CCNJL: variants seen among roughly 807,000 people sequenced by gnomAD.
CCNJL encodes cyclin-J-like protein.
A neutral mutation model predicts 33.4 loss-of-function variants in CCNJL; 33 were observed. That is an observed-to-expected ratio of 0.99 (90% CI 0.75 to 1.32). The LOEUF is 1.32. Among genes scored for constraint, CCNJL ranks in the 40% most tolerant of loss-of-function variants. The probability of loss-of-function intolerance (pLI) is 0.00; values close to 1 mark genes in which losing one functional copy is unlikely to be tolerated. For missense variants in CCNJL, 512 were observed against 499.7 expected (o/e 1.02, Z -0.23); for synonymous variants, 227 against 220.9 (o/e 1.03, Z -0.24).
At chr5:160,307,662 A>C (rs898639684) in intron 2 of CCNJL, among the ~76,000 whole-genome samples, 2 of 152,020 alleles carry the variant, frequency 1.3e-5, no homozygotes, top group African/African-American at 4.8e-5. Flanking sequence ...TGGTTCAGGG[A>C]AGAGGGTCAA....
rs1760867208 is a variant in CCNJL, at chr5:160,252,881, AC to A, written c.*496del. 1 of 153,478 alleles carries A rather than the reference AC, an allele frequency of 6.5e-6. No individual in the cohort carries two copies. Among genetic ancestry groups the A allele is most frequent in the African/African-American group, 2.4e-5 (1 of 41,504 alleles). 9.5% of individuals were successfully genotyped at this position (153,478 alleles called of 1,614,324 possible). On this transcript the variant is annotated 3_prime_UTR_variant, in exon 6 of 6. Coordinates refer to ENST00000257536, the MANE Select transcript of CCNJL (RefSeq NM_001308173.3). ...GCAAGGCAAACACTCAGGCATACAC[AC>A]CAACTCAGGCCCCTCTGCATAGAGC...
intron 3 of CCNJL, among the ~76,000 whole-genome samples, chr5:160,269,936 C>T (rs753981520): frequency 6.6e-6 from 1 of 152,258 alleles, no homozygotes; most frequent in African/African-American, 2.4e-5. Context: ...CTGATACTTG[C>T]GGAAAATACA....
At chr5:160,297,737 G>A (rs1762794635) in intron 2 of CCNJL, among the ~76,000 whole-genome samples, 1 of 151,828 alleles carries the variant, frequency 6.6e-6, no homozygotes, top group African/African-American at 2.4e-5. Flanking sequence ...TTGCAACTTG[G>A]TTGAAGAAAA....
chr5:160,329,944 C>G (rs1332847849), intron 1 of CCNJL, among the ~76,000 whole-genome samples: 1 of 152,212 alleles, frequency 6.6e-6, no homozygotes, highest in African/African-American at 2.4e-5. Context: ...CCACCACCCT[C>G]TCTTTGCTCC....
At chr5:160,299,927 T>C (rs1762872018) in intron 2 of CCNJL, among the ~76,000 whole-genome samples, 1 of 152,048 alleles carries the variant, frequency 6.6e-6, no homozygotes, top group South Asian at 2.1e-4. Flanking sequence ...CATATTTTCA[T>C]GCATGGACGG....
chr5:160,257,910 G>C (rs533159409), intron 4 of CCNJL, among the ~76,000 whole-genome samples: 1 of 150,804 alleles, frequency 6.6e-6, no homozygotes, highest in East Asian at 1.9e-4. Context: ...TCAATGGCAC[G>C]ATCTCGGCTC....
chr5:160,329,435 C>G (rs549285458), intron 1 of CCNJL, among the ~76,000 whole-genome samples: 1 of 151,336 alleles, frequency 6.6e-6, no homozygotes, highest in Non-Finnish European at 1.5e-5. Flanking sequence ...ACTGCAAGCT[C>G]CACCTCCCGG....
chr5:160,329,692 C>T (rs1476321372), intron 1 of CCNJL, among the ~76,000 whole-genome samples: 1 of 152,176 alleles, frequency 6.6e-6, no homozygotes, highest in Non-Finnish European at 1.5e-5. Context: ...AATGACCCAT[C>T]TGCTTTTTGA....
intron 3 of CCNJL, among the ~76,000 whole-genome samples, chr5:160,277,603 A>G (rs898498467): frequency 1.3e-5 from 2 of 152,160 alleles, no homozygotes; most frequent in Non-Finnish European, 2.9e-5. Flanking sequence ...CCACATGTCC[A>G]CTGTGGAATG....
Position 160,280,624 on chromosome 5 carries a change from G to C in CCNJL, c.181C>G (p.His61Asp), listed in dbSNP as rs770127604. 6.2e-7 allele frequency: 1 copy of C among 1,613,612 alleles called. No individual in the cohort carries two copies. The highest frequency in any genetic ancestry group is 8.5e-7 in the Non-Finnish European group (1 of 1,179,964). The change falls in exon 3 of 6, where the codon CAC becomes GAC. Residue 61 changes from histidine (H) to aspartate (D), a missense_variant. Coordinates refer to ENST00000257536, the MANE Select transcript of CCNJL (RefSeq NM_001308173.3). The stretch of plus-strand genomic sequence containing the variant: ...TGGTCCAGCAGGTAGACGGCCAGGT[G>C]CCGGGCTGCAGGGCAGAGCTGGCAG... ...SHCQLCPAAR[H>D]LAVYLLDHFM...
intron 1 of CCNJL, among the ~76,000 whole-genome samples, chr5:160,318,853 C>A (rs1763407270): frequency 7.5e-6 from 1 of 132,732 alleles, no homozygotes; most frequent in Non-Finnish European, 1.6e-5. Context: ...CTTATTTTTG[C>A]ATTTAAAACT....
intron 2 of CCNJL, among the ~76,000 whole-genome samples, chr5:160,288,203 G>A (rs1252126408): frequency 6.6e-6 from 1 of 150,470 alleles, no homozygotes; most frequent in Non-Finnish European, 1.5e-5. Context: ...ACGGAGGAGA[G>A]GTCGGGATGG....
chr5:160,267,914 A>C (rs1295640635), intron 3 of CCNJL, among the ~76,000 whole-genome samples: 1 of 152,188 alleles, frequency 6.6e-6, no homozygotes, highest in Non-Finnish European at 1.5e-5. Flanking sequence ...CTACTTAGCA[A>C]TTTAATTCCA....
intron 1 of CCNJL, among the ~76,000 whole-genome samples, chr5:160,320,788 CCTTTCTTTCTTTCTTT>C (rs70990723): frequency 0.026 from 3,021 of 116,136 alleles, 55 homozygotes; most frequent in East Asian, 0.054. Context: ...TTCTTTCTTT[CCTTTCTTTCTTTCTTT>C]CTTTCTTTCT....
rs149703353 is a variant in CCNJL at position 160,291,573 on chromosome 5, A to G, written c.67-10835T>C. On this transcript the variant is annotated intron_variant, in intron 2 of 5. Coordinates refer to ENST00000257536, the MANE Select transcript of CCNJL (RefSeq NM_001308173.3). Reference sequence around the variant, plus strand: ...CTGGGAAAAGGTGCCTGAGGGTGCCAGCTACGGGGCACCTGGTATGCCAGC... The same window carrying G: ...CTGGGAAAAGGTGCCTGAGGGTGCCGGCTACGGGGCACCTGGTATGCCAGC... 1.9e-3 allele frequency among the ~76,000 whole-genome samples: 297 copies of G among 152,348 alleles called. 3 individuals carry two copies. The highest frequency in any genetic ancestry group is 6.6e-3 in the African/African-American group (276 of 41,584).
intron 2 of CCNJL, chr5:160,281,320 T>C (rs1017205325): frequency 6.0e-6 from 1 of 165,432 alleles, no homozygotes; most frequent in African/African-American, 2.4e-5. Flanking sequence ...GTTGAAATAA[T>C]AGTACAAGGA....
At chr5:160,313,098 T>G (rs1158803809), upstream of CCNJL, among the ~76,000 whole-genome samples, 2 of 152,216 alleles carry the variant, frequency 1.3e-5, no homozygotes, top group African/African-American at 4.8e-5. Context: ...CCTAAGTCAC[T>G]GGTATTATTG....
chr5:160,253,292 C>G lies in CCNJL; in HGVS notation c.*86G>C. On this transcript the variant is annotated 3_prime_UTR_variant, in exon 6 of 6. Transcript: ENST00000257536. ...AAGGCTCTTCAGGGATGGCCTCCTG[C>G]TGCCTCACTTGGCTGAGCTCTCCTC... The G allele has an allele frequency of 7.4e-7, 1 of 1,358,722 alleles. No homozygotes were observed. Among genetic ancestry groups the G allele is most frequent in the South Asian group, 1.5e-5 (1 of 68,542 alleles). 84.2% of individuals were successfully genotyped at this position (1,358,722 alleles called of 1,614,324 possible).
At position 160,252,650 on chromosome 5, in the gene CCNJL, G is replaced by C. The variant is rs1406811924; in HGVS notation, c.*728C>G. 6.6e-6 allele frequency: 1 copy of C among 152,634 alleles called. No individual in the cohort carries two copies. The highest frequency in any genetic ancestry group is 1.5e-5 in the Non-Finnish European group (1 of 68,046). 9.5% of individuals were successfully genotyped at this position (152,634 alleles called of 1,614,324 possible). ...GTTCCAAATTAACAGCCCTCATGTG[G>C]GACAGGCAGTGTGGCAATTAAATTT... On this transcript the variant is annotated 3_prime_UTR_variant, in exon 6 of 6. Transcript: ENST00000257536.
Sources: allele counts gnomAD v4.1 joint callset (sites outside exome capture counted in the v4.1 genomes callset), GRCh38; gene constraint gnomAD v4.1.1; transcripts MANE v1.5; gene names NCBI Gene and HGNC (gene_info 2026-07-23, HGNC 2026-07-21).